KIF1B: variants seen among roughly 807,000 people sequenced by gnomAD.
KIF1B encodes kinesin-like protein KIF1B.
KIF1B carries 76 observed loss-of-function variants against 241.9 expected under a neutral mutation model. The observed-to-expected ratio is 0.31, with a 90% CI of 0.26 to 0.38. The LOEUF (loss-of-function observed/expected upper bound fraction) is 0.38. Ranked by LOEUF, KIF1B falls within the 10% of genes least tolerant of loss-of-function variation. KIF1B has a pLI of 1.00. For synonymous variants in KIF1B, 750 were observed against 796.7 expected (o/e 0.94, Z 0.99); for missense variants, 1,622 against 2,271.4 (o/e 0.71, Z 5.81).
chr1:10,350,427 G>C lies in KIF1B; in HGVS notation c.3949+1694G>C, dbSNP rs1458864617. On this transcript the variant is annotated intron_variant, in intron 37 of 48. Transcript: ENST00000676179. ...ACAAAAAAATTAGCCAGGCGTGGTGGTGGGCGCCTGTAGTCCCAACTGCTC... is the reference window on the plus strand; with the variant it reads ...ACAAAAAAATTAGCCAGGCGTGGTGCTGGGCGCCTGTAGTCCCAACTGCTC... Among the ~76,000 whole-genome samples the C allele has an allele frequency of 1.3e-5, 2 of 151,968 alleles. 1 individual carries two copies. Among genetic ancestry groups the C allele is most frequent in the Non-Finnish European group, 2.9e-5 (2 of 68,018 alleles).
intron 22 of KIF1B, chr1:10,304,639 A>G: frequency 6.2e-7 from 1 of 1,613,878 alleles, no homozygotes; most frequent in South Asian, 1.1e-5. Flanking sequence ...TCGAGAAACC[A>G]CAGTATAAAT....
chr1:10,323,921 A>C lies in KIF1B; in HGVS notation c.2396A>C (p.Tyr799Ser), dbSNP rs746691649. The change falls in exon 25 of 49, where the codon TAC becomes TCC. Residue 799 changes from tyrosine (Y) to serine (S), a missense_variant. Transcript: ENST00000676179. ...TTTGTTCTGCTGACTGACACACTGTACTCCCCTTTGCCTCCTGAATTACTT... is the reference window on the plus strand; with the variant it reads ...TTTGTTCTGCTGACTGACACACTGTCCTCCCCTTTGCCTCCTGAATTACTT... ...FQFVLLTDTL[Y>S]SPLPPELLPT... 1 of 1,613,962 alleles carries C rather than the reference A, an allele frequency of 6.2e-7. No individual in the cohort carries two copies. Among genetic ancestry groups the C allele is most frequent in the Non-Finnish European group, 8.5e-7 (1 of 1,179,950 alleles).
intron 17 of KIF1B, among the ~76,000 whole-genome samples, 190 bp from the exon 18 acceptor site, chr1:10,294,896 T>C (rs1324232724): frequency 6.6e-6 from 1 of 152,136 alleles, no homozygotes; most frequent in Non-Finnish European, 1.5e-5. Flanking sequence ...TAGAATGCAC[T>C]TGGTTCCGTT....
chr1:10,365,033 T>C lies in KIF1B; in HGVS notation c.4367-67T>C. 7.3e-7 allele frequency: 1 copy of C among 1,365,780 alleles called. No homozygotes were observed. 84.6% of individuals were successfully genotyped at this position (1,365,780 alleles called of 1,614,324 possible). ...AAAAAAAAAAAAAAGAATTATTAAT[T>C]CGTTTTGACCTAAACTTGGAATTGA... On this transcript the variant is annotated intron_variant, in intron 41 of 48. Transcript: ENST00000676179. This position sits in a 1 kb window ranked among gnomAD's most constrained non-coding sequence, Gnocchi z 4.0.
At chr1:10,360,125 TC>T (rs1285773531) in intron 38 of KIF1B, among the ~76,000 whole-genome samples, 1 of 152,120 alleles carries the variant, frequency 6.6e-6, no homozygotes, top group Non-Finnish European at 1.5e-5. Context: ...ATTAATCCCT[TC>T]AGATATATCT....
rs181095170 is a variant in KIF1B, at chr1:10,314,304, T to A, written c.2116-5739T>A. On this transcript the variant is annotated intron_variant, in intron 22 of 48. Transcript: ENST00000676179. ...TGGGAAATGGTGATGATATACAGTG[T>A]CCTTTTTAAAAGCTCGTAAGTAGCC... Among the ~76,000 whole-genome samples, 14 of 151,776 alleles carry A rather than the reference T, an allele frequency of 9.2e-5. No homozygotes were observed. The East Asian group carries it at 2.1e-3, about 23-fold the overall frequency.
Position 10,342,140 on chromosome 1 carries a change from C to T in KIF1B, c.3604C>T (p.Leu1202Phe). The T allele has an allele frequency of 1.2e-6, 2 of 1,611,894 alleles. No individual in the cohort carries two copies. Among genetic ancestry groups the T allele is most frequent in the African/African-American group, 1.3e-5 (1 of 74,988 alleles). ...CTTTGGGCATTATCAGCAGCACCCA[C>T]TTCATCTGCAAGGACAGGAGCTTAA... ...EVFGHYQQHPLHLQGQELNSP... is the reference protein window; with the variant it reads ...EVFGHYQQHPFHLQGQELNSP... Residue 1202 changes from leucine (L) to phenylalanine (F), a missense_variant, in exon 33 of 49, where the codon CTT becomes TTT. This residue lies in a region of KIF1B where 803 missense variants were observed against 1,112.0 expected (regional missense o/e 0.72). Coordinates refer to ENST00000676179, the MANE Select transcript of KIF1B (RefSeq NM_001365951.3).
chr1:10,261,823 G>A, intron 4 of KIF1B, 82 bp from the exon 5 acceptor site: 2 of 842,726 alleles, frequency 2.4e-6, no homozygotes, highest in Non-Finnish European at 4.2e-6. Flanking sequence ...AAGGACGTCT[G>A]GCTAATTCAT....
At chr1:10,318,961 A>G (rs1193900693) in intron 22 of KIF1B, among the ~76,000 whole-genome samples, 1 of 152,108 alleles carries the variant, frequency 6.6e-6, no homozygotes, top group African/African-American at 2.4e-5. Flanking sequence ...TTATATTTGT[A>G]CTTCATATAT....
chr1:10,255,653 G>C (rs904685598), intron 2 of KIF1B, among the ~76,000 whole-genome samples: 1 of 152,168 alleles, frequency 6.6e-6, no homozygotes, highest in Admixed American at 6.5e-5. Context: ...TACCTAAGGA[G>C]GATAAACATT....
chr1:10,347,884 A>G (rs1652643984), intron 36 of KIF1B, 57 bp downstream of exon 36: 2 of 1,364,408 alleles, frequency 1.5e-6, no homozygotes, highest in Non-Finnish European at 2.1e-6. Context: ...AATTTAGAAT[A>G]AGAGACGGAA....
At chr1:10,357,974 A>T (rs574966069) in intron 38 of KIF1B, among the ~76,000 whole-genome samples, 1 of 152,008 alleles carries the variant, frequency 6.6e-6, no homozygotes, top group Non-Finnish European at 1.5e-5. Context: ...GCACCATTGC[A>T]CTCCAGCCTG....
At chr1:10,211,790 C>G (rs1571071873) in intron 1 of KIF1B, 1 of 151,342 alleles carries the variant, frequency 6.6e-6, no homozygotes, top group African/African-American at 2.4e-5. Flanking sequence ...CCGTGTTTCT[C>G]TATTCATCTT....
At chr1:10,304,706 A>C (rs1422341778) in intron 22 of KIF1B, 1 of 1,601,690 alleles carries the variant, frequency 6.2e-7, no homozygotes, top group African/African-American at 1.3e-5. Context: ...TTAGCTCATG[A>C]TTTGATTTGG....
chr1:10,276,277 T>A (rs778279577), intron 11 of KIF1B, 44 bp from the exon 12 acceptor site: 2 of 1,344,600 alleles, frequency 1.5e-6, no homozygotes, highest in Non-Finnish European at 2.1e-6. Context: ...AAAATTTTTC[T>A]TCTAAAATGA....
chr1:10,283,808 A>C (rs1649553522), intron 15 of KIF1B, among the ~76,000 whole-genome samples: 1 of 152,244 alleles, frequency 6.6e-6, no homozygotes, highest in East Asian at 1.9e-4. Context: ...GCTGCCAGCC[A>C]GCAGTCTTCT....
chr1:10,255,240 C>T (rs905853225), intron 2 of KIF1B, among the ~76,000 whole-genome samples: 13 of 152,124 alleles, frequency 8.5e-5, no homozygotes, highest in Admixed American at 3.9e-4. Flanking sequence ...GGAGCCACCG[C>T]GCCCAGCTCC....
intron 45 of KIF1B, 90 bp downstream of exon 45, chr1:10,371,352 C>CAGCA (rs1638727884): frequency 6.8e-7 from 1 of 1,462,074 alleles, no homozygotes; most frequent in Non-Finnish European, 9.5e-7. Context: ...TGACTGAAGG[C>CAGCA]AGCACCTTCT....
chr1:10,219,748 A>G (rs1646815802), intron 1 of KIF1B, among the ~76,000 whole-genome samples: 1 of 151,562 alleles, frequency 6.6e-6, no homozygotes, highest in Non-Finnish European at 1.5e-5. Flanking sequence ...ACAAGAGTGA[A>G]ACTCACCTCA....
Sources: allele counts gnomAD v4.1 joint callset (sites outside exome capture counted in the v4.1 genomes callset), GRCh38; gene constraint gnomAD v4.1.1; regional missense constraint gnomAD v4.1.1; non-coding constraint Gnocchi (gnomAD v3.1); transcripts MANE v1.5; gene names NCBI Gene and HGNC (gene_info 2026-07-23, HGNC 2026-07-21).